FREM2: variants seen among roughly 807,000 people sequenced by gnomAD.
FREM2 encodes the protein FRAS1-related extracellular matrix protein 2.
Under a neutral mutation model 219.9 loss-of-function variants are expected in FREM2, and 119 were observed. The observed-to-expected ratio is 0.54, with a 90% CI of 0.47 to 0.63. FREM2 has a LOEUF of 0.63. Among genes scored for constraint, FREM2 ranks in the 30% least tolerant of loss-of-function variants. FREM2 has a pLI of 0.00. For missense variants in FREM2, 4,030 were observed against 3,993.6 expected, an observed-to-expected ratio of 1.01 and a Z score of -0.25; for synonymous variants, 1,562 against 1,522.8, an observed-to-expected ratio of 1.03 and a Z score of -0.60.
At chr13:38,723,630 C>T (rs557031157) in intron 2 of FREM2, among the ~76,000 whole-genome samples, 17 of 152,328 alleles carry the variant, frequency 1.1e-4, no homozygotes, top group African/African-American at 4.1e-4. Flanking sequence ...TGAGTTCTTT[C>T]TATATCTATT....
rs149609351 is a variant in FREM2, at chr13:38,782,882, C to T, written c.5642-188C>T. ...GTTTTTAGATTTCAGAATTCACTGG[C>T]CCAGAGCCTATTCCCTTTATACCCA... On this transcript the variant is annotated intron_variant, in intron 4 of 23. Coordinates refer to ENST00000280481, the MANE Select transcript of FREM2 (RefSeq NM_207361.6). Among the ~76,000 whole-genome samples, 8 of 152,330 alleles carry T rather than the reference C, an allele frequency of 5.3e-5. No homozygotes were observed. In the East Asian group the frequency reaches 1.5e-3, roughly 29 times the overall value.
At chr13:38,819,326 A>G (rs1875919130) in intron 6 of FREM2, among the ~76,000 whole-genome samples, 1 of 152,200 alleles carries the variant, frequency 6.6e-6, no homozygotes, top group Non-Finnish European at 1.5e-5. Flanking sequence ...TTCTCCTGCT[A>G]GTCACATAAA....
rs532786964 is a variant in FREM2 at position 38,698,354 on chromosome 13, C to T, written c.5263+567C>T. Among the ~76,000 whole-genome samples, 3 of 152,168 alleles carry T rather than the reference C, an allele frequency of 2.0e-5. No homozygotes were observed. In the East Asian group the frequency reaches 5.8e-4, roughly 29 times the overall value. The stretch of plus-strand genomic sequence containing the variant: ...TGACCTAGTCCAGCTAAAAATTTTT[C>T]TTGGTTAAGTGTGAAGAATACTTCA... On this transcript the variant is annotated intron_variant, in intron 2 of 23. Coordinates refer to ENST00000280481, the MANE Select transcript of FREM2 (RefSeq NM_207361.6).
chr13:38,866,776 T>C (rs898772946), intron 16 of FREM2, among the ~76,000 whole-genome samples: 1 of 152,166 alleles, frequency 6.6e-6, no homozygotes, highest in Non-Finnish European at 1.5e-5. Context: ...CTCCACAAAG[T>C]GGCAGCACTT....
intron 6 of FREM2, among the ~76,000 whole-genome samples, chr13:38,845,807 C>G (rs538192751): frequency 6.6e-6 from 1 of 152,148 alleles, no homozygotes; most frequent in South Asian, 2.1e-4. Context: ...CAGGCAGAAA[C>G]AATGATTAGA....
chr13:38,732,237 C>G (rs1046010109), intron 2 of FREM2, among the ~76,000 whole-genome samples: 1 of 152,152 alleles, frequency 6.6e-6, no homozygotes, highest in Non-Finnish European at 1.5e-5. Flanking sequence ...ATTATTCACT[C>G]CTGGATTTTT....
Position 38,691,867 on chromosome 13 carries a change from A to G in FREM2, c.4523A>G (p.Glu1508Gly). ...GATGAAGTGAAAATGGACAGTTTTG[A>G]GTTTCAAGTCACCGATGGACGTAAC... ...ADDEVKMDSF[E>G]FQVTDGRNPV... The change falls in exon 1 of 24, where the codon GAG becomes GGG. Residue 1508 changes from glutamate (E) to glycine (G), a missense_variant. Physicochemically the swap from Glu to Gly is moderately conservative, Grantham distance 98. Coordinates refer to ENST00000280481, the MANE Select transcript of FREM2 (RefSeq NM_207361.6). 6.2e-7 allele frequency: 1 copy of G among 1,614,134 alleles called. No individual in the cohort carries two copies. The highest frequency in any genetic ancestry group is 8.5e-7 in the Non-Finnish European group (1 of 1,180,028).
chr13:38,861,581 C>A lies in FREM2; in HGVS notation c.7651+19C>A. On this transcript the variant is annotated intron_variant, in intron 15 of 23. Transcript: ENST00000280481. The stretch of plus-strand genomic sequence containing the variant: ...ATAGATGGTAGGTGACTTGGGTAAG[C>A]AAATCCATGGAATTGTTTTGGACTC... The A allele has an allele frequency of 6.2e-7, 1 of 1,613,330 alleles. No individual in the cohort carries two copies. Among genetic ancestry groups the A allele is most frequent in the Non-Finnish European group, 8.5e-7 (1 of 1,179,448 alleles).
intron 12 of FREM2, 69 bp from the exon 13 acceptor site, chr13:38,857,806 G>T (rs1429478952): frequency 1.5e-6 from 2 of 1,341,888 alleles, no homozygotes; most frequent in Admixed American, 1.7e-5. Context: ...CGTGAGTATT[G>T]TTCTGTGTGG....
rs73464093 is a variant in FREM2, at chr13:38,846,443, A to G, written c.6020-130A>G. On this transcript the variant is annotated intron_variant, in intron 6 of 23. Transcript: ENST00000280481. ...TAGATTAAAGAGATGTTATCTCACT[A>G]AAAGGAAAAAAGTATGATGATATAA... The G allele has an allele frequency of 3.0e-4, 275 of 910,116 alleles. 2 individuals are homozygous for G. The African/African-American group carries it at 4.3e-3, about 14-fold the overall frequency. The allele number at this position is 910,116 out of a possible 1,614,324, so 56.4% of individuals were successfully genotyped here.
chr13:38,721,095 A>G (rs1221744076), intron 2 of FREM2, among the ~76,000 whole-genome samples: 1 of 152,190 alleles, frequency 6.6e-6, no homozygotes, highest in East Asian at 1.9e-4. Context: ...GCAGCAAACC[A>G]CCATGGCACA....
At chr13:38,746,702 C>T (rs946884925) in intron 2 of FREM2, among the ~76,000 whole-genome samples, 2 of 152,070 alleles carry the variant, frequency 1.3e-5, no homozygotes, top group African/African-American at 2.4e-5. Context: ...CTATACCTGA[C>T]CAATGGCATT....
chr13:38,782,688 A>C (rs1566140401), intron 4 of FREM2, among the ~76,000 whole-genome samples: 3 of 152,216 alleles, frequency 2.0e-5, no homozygotes, highest in Admixed American at 6.5e-5. Flanking sequence ...GCAAAGTGGG[A>C]GATGGGACAA....
rs1039067338 is a variant in FREM2 at position 38,720,711 on chromosome 13, C to T, written c.5263+22924C>T. 5.3e-5 allele frequency among the ~76,000 whole-genome samples: 8 copies of T among 152,002 alleles called. No individual in the cohort carries two copies. The South Asian group carries it at 6.2e-4, about 12-fold the overall frequency. On this transcript the variant is annotated intron_variant, in intron 2 of 23. Coordinates refer to ENST00000280481, the MANE Select transcript of FREM2 (RefSeq NM_207361.6). ...GATGCTGAGAAGGGTTTTGCAAGTA[C>T]GTTAAGAGGCAAAATGACAGAGTCT...
intron 2 of FREM2, among the ~76,000 whole-genome samples, chr13:38,702,255 AACC>A (rs1259708358): frequency 6.6e-6 from 1 of 152,172 alleles, no homozygotes; most frequent in African/African-American, 2.4e-5. Context: ...TTGAAGTATT[AACC>A]ACCAGTTCAG....
At chr13:38,842,337 T>C (rs1250830404) in intron 6 of FREM2, among the ~76,000 whole-genome samples, 1 of 152,138 alleles carries the variant, frequency 6.6e-6, no homozygotes, top group Non-Finnish European at 1.5e-5. Context: ...CCTGGTTAAG[T>C]GGTTGCTGGG....
chr13:38,703,497 T>G (rs1023172135), intron 2 of FREM2, among the ~76,000 whole-genome samples: 2 of 152,110 alleles, frequency 1.3e-5, no homozygotes, highest in African/African-American at 2.4e-5. Context: ...CTACTGTGGC[T>G]GAATGTTTGT....
chr13:38,696,221 TACC>T (rs1236667562), intron 1 of FREM2, among the ~76,000 whole-genome samples: 3 of 152,134 alleles, frequency 2.0e-5, no homozygotes, highest in African/African-American at 7.2e-5. Context: ...AGCAGGAGGG[TACC>T]ATTAACTATA....
chr13:38,793,202 G>A (rs868506477), intron 6 of FREM2, among the ~76,000 whole-genome samples: 1 of 152,180 alleles, frequency 6.6e-6, no homozygotes. Context: ...GAGAACCATG[G>A]CCTCTTAATT....
Sources: allele counts gnomAD v4.1 joint callset (sites outside exome capture counted in the v4.1 genomes callset), GRCh38; gene constraint gnomAD v4.1.1; transcripts MANE v1.5; gene names NCBI Gene and HGNC (gene_info 2026-07-23, HGNC 2026-07-21).